Variants in PPP1R1C observed in about 807,000 individuals in gnomAD.
The protein encoded by PPP1R1C is protein phosphatase 1 regulatory inhibitor subunit 1C.
In PPP1R1C, 15 loss-of-function variants were observed where a neutral mutation model predicts 17.4. That is an observed-to-expected ratio of 0.86 (90% CI 0.58 to 1.33). The LOEUF (loss-of-function observed/expected upper bound fraction) is 1.33, where lower values mean the gene tolerates loss of function less well. Ranked by LOEUF, PPP1R1C falls within the 40% of genes most tolerant of loss-of-function variation. The pLI, the probability that PPP1R1C is intolerant of heterozygous loss-of-function variation, is 0.00. For synonymous variants in PPP1R1C, 35 were observed against 43.1 expected (o/e 0.81, Z 0.73); for missense variants, 143 against 130.0 (o/e 1.10, Z -0.48).
chr2:182,087,548 T>C (rs1688663934), intron 4 of PPP1R1C, among the ~76,000 whole-genome samples: 1 of 152,244 alleles, frequency 6.6e-6, no homozygotes, highest in Admixed American at 6.5e-5. Context: ...TCAGGAATTT[T>C]TGTTTTTTGT....
At position 181,985,968 on chromosome 2, in the gene PPP1R1C, T is replaced by C; in HGVS notation, c.-143T>C. 1 of 686,266 alleles carries C rather than the reference T, an allele frequency of 1.5e-6. No homozygotes were observed. The highest frequency in any genetic ancestry group is 2.6e-6 in the Non-Finnish European group (1 of 388,572). 42.5% of individuals were successfully genotyped at this position (686,266 alleles called of 1,614,324 possible). On this transcript the variant is annotated 5_prime_UTR_variant, in exon 1 of 5. Coordinates refer to ENST00000682840, the MANE Select transcript of PPP1R1C (RefSeq NM_001080545.3). The surrounding 1 kb of genome is among the most constrained non-coding windows in gnomAD (Gnocchi z 4.1). ...GTTACTCAAACCTCGGCATCTTCAC[T>C]TGCTCGATCTGGAATTACAGCTATT...
intron 4 of PPP1R1C, among the ~76,000 whole-genome samples, chr2:182,105,527 T>C (rs1358354208): frequency 1.3e-5 from 2 of 152,004 alleles, no homozygotes; most frequent in Non-Finnish European, 2.9e-5. Context: ...GGAAGCTTTA[T>C]AGTGACGGGA....
intron 2 of PPP1R1C, among the ~76,000 whole-genome samples, chr2:182,006,074 A>G (rs1295446450): frequency 2.0e-5 from 3 of 152,170 alleles, no homozygotes; most frequent in Admixed American, 6.5e-5. Context: ...GATTCTGCCA[A>G]TCTCATCATT....
chr2:182,118,617 A>C (rs1689651199), downstream of PPP1R1C, among the ~76,000 whole-genome samples: 2 of 151,694 alleles, frequency 1.3e-5, no homozygotes, highest in Admixed American at 1.3e-4. Flanking sequence ...TTTGAATATG[A>C]GTTTTGTAAT....
At chr2:182,070,360 A>G (rs1294283927) in intron 4 of PPP1R1C, among the ~76,000 whole-genome samples, 1 of 152,256 alleles carries the variant, frequency 6.6e-6, no homozygotes, top group Non-Finnish European at 1.5e-5. Flanking sequence ...TGCAAAGACT[A>G]AATAGGTCTC....
chr2:182,128,156 A>G (rs919276827), intron 5 of PPP1R1C, among the ~76,000 whole-genome samples: 1 of 152,146 alleles, frequency 6.6e-6, no homozygotes, highest in South Asian at 2.1e-4. Flanking sequence ...AGGTATTAAT[A>G]AGAAGTGAGA....
chr2:182,115,118 C>A (rs189417713), intron 4 of PPP1R1C, among the ~76,000 whole-genome samples: 419 of 152,218 alleles, frequency 2.8e-3, no homozygotes, highest in African/African-American at 9.7e-3. Flanking sequence ...AGAACCTTTG[C>A]AAACCTGGCA....
chr2:182,119,886 G>A (rs1225579562), downstream of PPP1R1C, among the ~76,000 whole-genome samples: 4 of 152,068 alleles, frequency 2.6e-5, no homozygotes, highest in Non-Finnish European at 5.9e-5. Context: ...AGTTTCTTTC[G>A]CTGTGCAGAA....
At chr2:182,060,463 A>G (rs1687818025) in intron 2 of PPP1R1C, among the ~76,000 whole-genome samples, 1 of 152,160 alleles carries the variant, frequency 6.6e-6, no homozygotes, top group South Asian at 2.1e-4. Flanking sequence ...ACAGATAGGG[A>G]TAAAACAGAA....
intron 2 of PPP1R1C, among the ~76,000 whole-genome samples, chr2:182,055,981 T>G (rs1687672981): frequency 6.6e-6 from 1 of 152,232 alleles, no homozygotes; most frequent in Non-Finnish European, 1.5e-5. Context: ...CTTGTTAATG[T>G]TCTTGAGTCT....
intron 2 of PPP1R1C, among the ~76,000 whole-genome samples, chr2:182,027,607 G>T (rs1215758574): frequency 4.4e-5 from 5 of 114,168 alleles, no homozygotes; most frequent in East Asian, 2.6e-4. Flanking sequence ...GCTGGATTCG[G>T]TTTGCCAGTA....
chr2:182,073,129 C>T (rs1316165213), intron 4 of PPP1R1C, among the ~76,000 whole-genome samples: 4 of 152,226 alleles, frequency 2.6e-5, no homozygotes, highest in East Asian at 1.9e-4. Context: ...TACATAGAGG[C>T]GTTTCTTCGT....
intron 2 of PPP1R1C, among the ~76,000 whole-genome samples, chr2:182,021,450 C>G (rs186706053): frequency 6.6e-6 from 1 of 151,542 alleles, no homozygotes; most frequent in African/African-American, 2.4e-5. Flanking sequence ...GCCTCAGCCT[C>G]CCGAGTAGCT....
intron 4 of PPP1R1C, among the ~76,000 whole-genome samples, chr2:182,072,032 A>G (rs1688155545): frequency 6.6e-6 from 1 of 152,208 alleles, no homozygotes; most frequent in African/African-American, 2.4e-5. Flanking sequence ...TACAAAATAT[A>G]TGTGTGAATA....
At chr2:182,030,605 G>T (rs1686792618) in intron 2 of PPP1R1C, among the ~76,000 whole-genome samples, 1 of 147,390 alleles carries the variant, frequency 6.8e-6, no homozygotes, top group Non-Finnish European at 1.5e-5. Context: ...GAGAACCACT[G>T]CTCTCTTCAA....
At chr2:182,024,214 A>C (rs1219794992) in intron 2 of PPP1R1C, among the ~76,000 whole-genome samples, 1 of 152,250 alleles carries the variant, frequency 6.6e-6, no homozygotes, top group Non-Finnish European at 1.5e-5. Flanking sequence ...AGGACTTAGC[A>C]TGAAGAAGCT....
chr2:182,043,408 A>C (rs961765305), intron 2 of PPP1R1C, among the ~76,000 whole-genome samples: 2 of 152,222 alleles, frequency 1.3e-5, no homozygotes, highest in African/African-American at 2.4e-5. Flanking sequence ...AACAAGCAAA[A>C]GGATATCTGA....
At chr2:182,013,133 C>T (rs578244528) in intron 2 of PPP1R1C, among the ~76,000 whole-genome samples, 7 of 152,216 alleles carry the variant, frequency 4.6e-5, no homozygotes, top group African/African-American at 1.7e-4. Flanking sequence ...TTTGTACCTT[C>T]AGATGATTTC....
chr2:182,031,796 A>C (rs1277177428), intron 2 of PPP1R1C, among the ~76,000 whole-genome samples: 1 of 152,236 alleles, frequency 6.6e-6, no homozygotes, highest in Non-Finnish European at 1.5e-5. Context: ...TATATATTCT[A>C]CTATGAGTAA....
Sources: gnomAD v4.1 joint callset for allele counts (sites outside exome capture counted in the v4.1 genomes callset) on GRCh38, gnomAD v4.1.1 for gene constraint, Gnocchi (gnomAD v3.1) non-coding constraint, MANE v1.5 for transcripts, NCBI Gene and HGNC (gene_info 2026-07-23, HGNC 2026-07-21) for gene names.